KCNQ5: variants seen among roughly 807,000 people sequenced by gnomAD.
KCNQ5 encodes potassium voltage-gated channel subfamily KQT member 5.
Under a neutral mutation model 98.2 loss-of-function variants are expected in KCNQ5, and 30 were observed. The ratio of observed to expected loss-of-function variants is 0.31; its 90% CI spans 0.23 to 0.41. The LOEUF is 0.41. Among genes scored for constraint, KCNQ5 ranks in the 10% least tolerant of loss-of-function variants. KCNQ5 has a pLI of 1.00. For synonymous variants in KCNQ5, 458 were observed against 449.4 expected (o/e 1.02, Z -0.24); for missense variants, 835 against 1,182.5 (o/e 0.71, Z 4.31).
At chr6:72,919,330 A>G (rs1347815396) in intron 1 of KCNQ5, among the ~76,000 whole-genome samples, 1 of 152,206 alleles carries the variant, frequency 6.6e-6, no homozygotes, top group Non-Finnish European at 1.5e-5. Context: ...AAACATAGCT[A>G]TTGCCACCTA....
At chr6:72,810,932 A>G (rs1189194580) in intron 1 of KCNQ5, among the ~76,000 whole-genome samples, 1 of 152,208 alleles carries the variant, frequency 6.6e-6, no homozygotes, top group African/African-American at 2.4e-5. Context: ...TAACCTGGAG[A>G]TGCTAAGAAT....
chr6:73,127,681 C>T (rs1246467717), intron 9 of KCNQ5, among the ~76,000 whole-genome samples: 1 of 152,168 alleles, frequency 6.6e-6, no homozygotes, highest in East Asian at 1.9e-4. Context: ...TACACTGAGG[C>T]TAGGGTATGT....
At chr6:73,044,807 G>A (rs888557852) in intron 3 of KCNQ5, among the ~76,000 whole-genome samples, 1 of 152,182 alleles carries the variant, frequency 6.6e-6, no homozygotes, top group Non-Finnish European at 1.5e-5. Flanking sequence ...CTGAATGGGT[G>A]TTTGGAAATA....
intron 3 of KCNQ5, among the ~76,000 whole-genome samples, chr6:73,076,136 G>A (rs551778651): frequency 3.3e-4 from 50 of 152,232 alleles, no homozygotes; most frequent in African/African-American, 1.1e-3. Context: ...CCCAAAAAGG[G>A]GCACCAGCAG....
intron 1 of KCNQ5, among the ~76,000 whole-genome samples, chr6:72,907,415 A>G (rs1409343780): frequency 6.6e-6 from 1 of 152,188 alleles, no homozygotes; most frequent in African/African-American, 2.4e-5. Flanking sequence ...TATTATTTAC[A>G]ACTAGCTCCA....
intron 3 of KCNQ5, among the ~76,000 whole-genome samples, chr6:73,047,406 C>T (rs1772017085): frequency 6.6e-6 from 1 of 152,194 alleles, no homozygotes; most frequent in Admixed American, 6.5e-5. Flanking sequence ...CTGTGTATTT[C>T]CAAATTGGAG....
rs750114221 is a variant in KCNQ5 at position 73,133,485 on chromosome 6, C to G, written c.1312C>G (p.Arg438Gly). 9.3e-6 allele frequency: 15 copies of G among 1,614,020 alleles called. No individual in the cohort carries two copies. The highest frequency in any genetic ancestry group is 8.3e-5 in the Admixed American group (5 of 59,996). The change falls in exon 10 of 14, where the codon CGA becomes GGA. Residue 438 changes from arginine to glycine, a missense_variant. Around this residue, in one of 10 missense-constraint regions of KCNQ5, gnomAD observed 146 missense variants for 256.7 expected, o/e 0.57. Transcript: ENST00000370398. ...ASPRGQSIKS[R>G]QASVGDRRSP... ...CCCCAGGGGCCAGAGTATTAAGAGCCGACAAGCCTCAGTAGGTGACAGGAG... is the reference window on the plus strand; with the variant it reads ...CCCCAGGGGCCAGAGTATTAAGAGCGGACAAGCCTCAGTAGGTGACAGGAG...
chr6:72,817,172 A>G (rs971992197), intron 1 of KCNQ5, among the ~76,000 whole-genome samples: 1 of 152,216 alleles, frequency 6.6e-6, no homozygotes, highest in Non-Finnish European at 1.5e-5. Flanking sequence ...TTAAAATGCT[A>G]CAAATTAATG....
At chr6:73,060,579 C>A (rs1370972978) in intron 3 of KCNQ5, among the ~76,000 whole-genome samples, 2 of 152,044 alleles carry the variant, frequency 1.3e-5, no homozygotes, top group Non-Finnish European at 2.9e-5. Flanking sequence ...TCAAAGAATA[C>A]TGTATGATAA....
At chr6:72,717,377 A>T (rs1487941931) in intron 1 of KCNQ5, among the ~76,000 whole-genome samples, 2 of 152,232 alleles carry the variant, frequency 1.3e-5, no homozygotes, top group African/African-American at 4.8e-5. Flanking sequence ...TTTGATTATT[A>T]TACAACATAT....
intron 5 of KCNQ5, among the ~76,000 whole-genome samples, chr6:73,097,142 C>CATATATATATATATATATAT (rs70994161): frequency 0.13 from 15,328 of 120,844 alleles, 1,341 homozygotes; most frequent in Non-Finnish European, 0.16. Context: ...CAATAGATCT[C>CATATATATATATATATATAT]ATATATATAT....
At chr6:73,180,015 GA>G (rs1582496621) in intron 11 of KCNQ5, among the ~76,000 whole-genome samples, 2 of 152,246 alleles carry the variant, frequency 1.3e-5, no homozygotes, top group East Asian at 1.9e-4. Context: ...ATGAATGAAT[GA>G]ATGAATGGAC....
At chr6:72,658,578 A>ATATATATATATAT (rs1226386362) in intron 1 of KCNQ5, among the ~76,000 whole-genome samples, 4 of 76,370 alleles carry the variant, frequency 5.2e-5, no homozygotes, top group Non-Finnish European at 1.1e-4. Flanking sequence ...ATATATATAT[A>ATATATATATATAT]TTTTTTTTTT....
chr6:72,912,941 A>G (rs1413540022), intron 1 of KCNQ5, among the ~76,000 whole-genome samples: 1 of 152,134 alleles, frequency 6.6e-6, no homozygotes, highest in Admixed American at 6.6e-5. Flanking sequence ...GATCAGGAGA[A>G]ATAATTAATG....
chr6:72,898,154 A>G (rs765839862), intron 1 of KCNQ5, among the ~76,000 whole-genome samples: 29 of 150,708 alleles, frequency 1.9e-4, no homozygotes, highest in Non-Finnish European at 4.3e-4. Flanking sequence ...GTGTAATGAG[A>G]TTTTTTTTTT....
intron 1 of KCNQ5, among the ~76,000 whole-genome samples, chr6:72,804,784 A>G (rs910548203): frequency 2.0e-5 from 3 of 152,146 alleles, no homozygotes; most frequent in East Asian, 3.8e-4. Context: ...CACTAACAGT[A>G]TACAAGGGTT....
At chr6:73,142,976 A>G (rs74621724) in intron 10 of KCNQ5, among the ~76,000 whole-genome samples, 5,832 of 152,272 alleles carry the variant, frequency 0.038, 146 homozygotes, top group East Asian at 0.1. Flanking sequence ...TTGCAAAACC[A>G]AAGTGTCATA....
chr6:73,159,734 T>C (rs1181427103), intron 10 of KCNQ5, among the ~76,000 whole-genome samples: 1 of 152,220 alleles, frequency 6.6e-6, no homozygotes, highest in African/African-American at 2.4e-5. Context: ...GACTGACTTA[T>C]TTGTACATAT....
intron 1 of KCNQ5, among the ~76,000 whole-genome samples, chr6:72,841,097 A>T (rs1335381455): frequency 6.6e-6 from 1 of 152,126 alleles, no homozygotes; most frequent in African/African-American, 2.4e-5. Context: ...GTCCAACTTA[A>T]ATCTCACCTA....
Sources: gnomAD v4.1 joint callset for allele counts (sites outside exome capture counted in the v4.1 genomes callset) on GRCh38, gnomAD v4.1.1 for gene constraint, gnomAD v4.1.1 regional missense constraint, MANE v1.5 for transcripts, NCBI Gene and HGNC (gene_info 2026-07-23, HGNC 2026-07-21) for gene names.